The following OPHN1 variants were observed in gnomAD, a reference collection of about 807,000 sequenced individuals.
OPHN1 encodes oligophrenin-1.
OPHN1 carries 11 observed loss-of-function variants against 60.7 expected under a neutral mutation model. That is an observed-to-expected ratio of 0.18 (90% confidence interval 0.11 to 0.30). The LOEUF is 0.30. Among genes scored for constraint, OPHN1 ranks in the 10% least tolerant of loss-of-function variants. OPHN1 has a pLI of 1.00. For missense variants in OPHN1, 449 were observed against 611.0 expected, an observed-to-expected ratio of 0.73 and a Z score of 2.80; for synonymous variants, 226 against 222.6, an observed-to-expected ratio of 1.02 and a Z score of -0.14.
At chrX:68,432,757 G>A in intron 2 of OPHN1, 110 bp downstream of exon 2, 1 of 891,927 alleles carries the variant, frequency 1.1e-6, no homozygotes. Flanking sequence ...TTGCCTCAGA[G>A]ATCTGGGCTG....
At chrX:68,262,360 G>A (rs746271946) in intron 5 of OPHN1, among the ~76,000 whole-genome samples, 16 of 112,171 alleles carry the variant, frequency 1.4e-4, no homozygotes, top group African/African-American at 4.8e-4. Flanking sequence ...ATATGTCTAT[G>A]CATATATCTG....
intron 3 of OPHN1, among the ~76,000 whole-genome samples, chrX:68,297,310 T>A (rs745458880): frequency 5.4e-5 from 6 of 111,690 alleles, no homozygotes; most frequent in Non-Finnish European, 1.1e-4. Context: ...CTTAGAGAGG[T>A]GAAGTTACTT....
At chrX:68,187,688 T>C (rs780709028) in intron 15 of OPHN1, among the ~76,000 whole-genome samples, 5 of 110,610 alleles carry the variant, frequency 4.5e-5, no homozygotes, top group South Asian at 7.8e-4. Context: ...AGTGCAGTGG[T>C]GCCATCTCAG....
rs772255687 is a variant in OPHN1, at chrX:68,390,580, CA to C, written c.154+42286del. On this transcript the variant is annotated intron_variant, in intron 2 of 24. Coordinates refer to ENST00000355520, the MANE Select transcript of OPHN1 (RefSeq NM_002547.3). ...CGCCACTGCACTCCAGCCCAGGTGA[CA>C]GAGTGAAACTGTCTCAAAAAGAAAA... 1.5e-3 allele frequency among the ~76,000 whole-genome samples: 163 copies of C among 111,595 alleles called. 1 individual carries two copies. The highest frequency in any genetic ancestry group is 5.0e-3 in the African/African-American group (153 of 30,684).
chrX:68,321,904 ACT>A (rs2078237289), intron 2 of OPHN1, among the ~76,000 whole-genome samples: 2 of 109,286 alleles, frequency 1.8e-5, no homozygotes, highest in African/African-American at 6.7e-5. Context: ...CTCCACCCTG[ACT>A]CTGTCTCAAA....
chrX:68,424,563 T>C (rs2078845231), intron 2 of OPHN1, among the ~76,000 whole-genome samples: 1 of 111,448 alleles, frequency 9.0e-6, no homozygotes, highest in Admixed American at 9.6e-5. Context: ...GAAATTTCTG[T>C]AGTAACTGAT....
chrX:68,193,984 T>C (rs747847096), intron 13 of OPHN1, 32 bp from the exon 14 acceptor site: 1 of 1,119,009 alleles, frequency 8.9e-7, no homozygotes, highest in South Asian at 1.8e-5. Context: ...AGTTAGATCC[T>C]GCTGCAACAG....
intron 3 of OPHN1, among the ~76,000 whole-genome samples, chrX:68,289,465 A>T (rs762812674): frequency 3.6e-4 from 41 of 112,498 alleles, no homozygotes; most frequent in African/African-American, 1.3e-3. Context: ...TCTTCCAAAC[A>T]ATTGTAAAAA....
intron 18 of OPHN1, among the ~76,000 whole-genome samples, chrX:68,101,534 A>G (rs1261271075): frequency 3.6e-5 from 4 of 112,334 alleles, no homozygotes; most frequent in Non-Finnish European, 7.5e-5. Flanking sequence ...GTAGTATTCT[A>G]ATTGTGAATA....
At chrX:68,291,061 G>A (rs190198856) in intron 3 of OPHN1, among the ~76,000 whole-genome samples, 32 of 111,788 alleles carry the variant, frequency 2.9e-4, no homozygotes, top group Non-Finnish European at 5.3e-4. Context: ...CATGTAGTCA[G>A]TAAATAAACA....
chrX:68,080,204 GC>G lies in OPHN1; in HGVS notation c.1687-6906del, dbSNP rs779831504. Among the ~76,000 whole-genome samples the G allele has an allele frequency of 9.9e-4, 111 of 112,091 alleles. 1 individual carries two copies. Among genetic ancestry groups the G allele is most frequent in the Admixed American group, 1.5e-3 (16 of 10,569 alleles). On this transcript the variant is annotated intron_variant, in intron 19 of 24. Transcript: ENST00000355520. The stretch of plus-strand genomic sequence containing the variant: ...ATCTGGCCACATCCTGAAATCTCCA[GC>G]CCCATCTTCCCCATCTTCCACTATT...
In OPHN1 at chrX:68,364,005, C is replaced by T. The variant is rs184556538; in HGVS notation, c.155-64909G>A. The stretch of plus-strand genomic sequence containing the variant: ...TGTGAACTGAAATACAAGAAGAGCC[C>T]AAAGAATTCTTTGAGCACTAAGGTT... On this transcript the variant is annotated intron_variant, in intron 2 of 24. Coordinates refer to ENST00000355520, the MANE Select transcript of OPHN1 (RefSeq NM_002547.3). Among the ~76,000 whole-genome samples the T allele has an allele frequency of 2.7e-5, 3 of 111,665 alleles. No individual in the cohort carries two copies. In the Middle Eastern group the frequency reaches 0.014, roughly 515 times the overall value.
chrX:68,396,570 T>A (rs2078685702), intron 2 of OPHN1, among the ~76,000 whole-genome samples: 1 of 110,526 alleles, frequency 9.0e-6, no homozygotes, highest in East Asian at 2.9e-4. Context: ...ATCCCAGTAC[T>A]TTGGGAGGCC....
At chrX:68,375,530 A>G (rs2078552327) in intron 2 of OPHN1, among the ~76,000 whole-genome samples, 1 of 111,272 alleles carries the variant, frequency 9.0e-6, no homozygotes, top group Non-Finnish European at 1.9e-5. Context: ...TTAGATGAGA[A>G]GAGCTAACAT....
At chrX:68,325,638 G>GCCTCCC (rs2078257593) in intron 2 of OPHN1, among the ~76,000 whole-genome samples, 1 of 15,724 alleles carries the variant, frequency 6.4e-5, no homozygotes, top group Admixed American at 8.9e-4. Context: ...TCCCTCTCCC[G>GCCTCCC]TTTCCCTCTC....
chrX:68,063,516 G>A (rs756161320), intron 21 of OPHN1, among the ~76,000 whole-genome samples: 19 of 102,414 alleles, frequency 1.9e-4, no homozygotes, highest in South Asian at 1.8e-3. Context: ...GTGAGACTCC[G>A]TCTCAAAAAA....
intron 2 of OPHN1, among the ~76,000 whole-genome samples, chrX:68,309,239 T>A (rs1487253044): frequency 1.8e-5 from 2 of 111,776 alleles, no homozygotes; most frequent in Non-Finnish European, 3.8e-5. Context: ...AACAAGATAA[T>A]CCTCAAGGTC....
intron 5 of OPHN1, among the ~76,000 whole-genome samples, chrX:68,252,994 A>G (rs761391049): frequency 2.7e-5 from 3 of 111,084 alleles, no homozygotes; most frequent in Non-Finnish European, 3.8e-5. Context: ...GACTGACAAC[A>G]TAGTGCCAGT....
At chrX:68,141,655 C>A (rs1287384846) in intron 15 of OPHN1, among the ~76,000 whole-genome samples, 1 of 110,999 alleles carries the variant, frequency 9.0e-6, no homozygotes, top group Non-Finnish European at 1.9e-5. Flanking sequence ...CATAAGGTGC[C>A]ATAAAAATAC....
Sources: gnomAD v4.1 joint callset for allele counts (sites outside exome capture counted in the v4.1 genomes callset) on GRCh38, gnomAD v4.1.1 for gene constraint, MANE v1.5 for transcripts, NCBI Gene and HGNC (gene_info 2026-07-23, HGNC 2026-07-21) for gene names.